CNIH3: variants seen among roughly 807,000 people sequenced by gnomAD.
The protein encoded by CNIH3 is cornichon family AMPA receptor auxiliary protein 3.
In CNIH3, 14 loss-of-function variants were observed where a neutral mutation model predicts 24.1. That is an observed-to-expected ratio of 0.58 (90% CI 0.38 to 0.91). CNIH3 has a LOEUF of 0.91. Ranked by LOEUF, CNIH3 falls within the 40% of genes least tolerant of loss-of-function variation. The probability of loss-of-function intolerance (pLI) is 0.00; values close to 1 mark genes in which losing one functional copy is unlikely to be tolerated. For missense variants in CNIH3, 178 were observed against 196.8 expected (o/e 0.90, Z 0.57); for synonymous variants, 68 against 73.8 (o/e 0.92, Z 0.40).
At chr1:224,505,244 A>G (rs1677859888) in intron 1 of CNIH3, among the ~76,000 whole-genome samples, 1 of 151,244 alleles carries the variant, frequency 6.6e-6, no homozygotes, top group Non-Finnish European at 1.5e-5. Context: ...GGCTTCAGTG[A>G]GCTGTGTTCA....
At chr1:224,625,879 A>G (rs1019291272) in intron 1 of CNIH3, among the ~76,000 whole-genome samples, 3 of 152,230 alleles carry the variant, frequency 2.0e-5, no homozygotes, top group African/African-American at 7.2e-5. Context: ...AGTCTCTCCA[A>G]CATCACGTAT....
At chr1:224,510,078 C>A (rs939454210) in intron 1 of CNIH3, among the ~76,000 whole-genome samples, 2 of 151,802 alleles carry the variant, frequency 1.3e-5, no homozygotes, top group Non-Finnish European at 2.9e-5. Context: ...GGCTCTACCG[C>A]TGGCCTGCAC....
At chr1:224,479,869 A>C (rs1676734597) in intron 1 of CNIH3, among the ~76,000 whole-genome samples, 1 of 152,176 alleles carries the variant, frequency 6.6e-6, no homozygotes, top group Non-Finnish European at 1.5e-5. Context: ...TTCCAGGCAC[A>C]TGCTGCAAGC....
At chr1:224,493,488 G>A (rs1356531661) in intron 1 of CNIH3, among the ~76,000 whole-genome samples, 1 of 152,170 alleles carries the variant, frequency 6.6e-6, no homozygotes, top group Non-Finnish European at 1.5e-5. Flanking sequence ...GCTCAAGGAA[G>A]GGGTGTGATT....
rs140046185 is a variant in CNIH3 at position 224,493,823 on chromosome 1, C to T, written n.204-21918C>T. Among the ~76,000 whole-genome samples the T allele has an allele frequency of 1.6e-3, 239 of 152,196 alleles. 2 individuals carry two copies. The highest frequency in any genetic ancestry group is 5.1e-3 in the African/African-American group (213 of 41,520). On this transcript the variant is annotated intron_variant and non_coding_transcript_variant, in intron 1 of 5. Transcript: ENST00000471578. ...AGAGTGCGATTCCTTTCTCCTCTCACGCACCTGGAGGAGACTCAATAATTT... is the reference window on the plus strand; with the variant it reads ...AGAGTGCGATTCCTTTCTCCTCTCATGCACCTGGAGGAGACTCAATAATTT...
At chr1:224,614,017 T>A (rs541285433), upstream of CNIH3, among the ~76,000 whole-genome samples, 13 of 152,204 alleles carry the variant, frequency 8.5e-5, no homozygotes, top group African/African-American at 2.9e-4. Context: ...AAGCTGGGAC[T>A]ACAGGTGCAT....
At chr1:224,500,605 G>C (rs1436638794) in intron 1 of CNIH3, among the ~76,000 whole-genome samples, 1 of 152,070 alleles carries the variant, frequency 6.6e-6, no homozygotes, top group African/African-American at 2.4e-5. Context: ...CTCAGGGGGC[G>C]GAGGTTGCAG....
At chr1:224,478,467 G>A (rs891126188) in intron 1 of CNIH3, among the ~76,000 whole-genome samples, 2 of 151,986 alleles carry the variant, frequency 1.3e-5, no homozygotes, top group African/African-American at 2.4e-5. Context: ...GTAGATCATT[G>A]CATTTTTTAA....
downstream of CNIH3, among the ~76,000 whole-genome samples, chr1:224,591,874 C>T (rs923942518): frequency 3.9e-5 from 6 of 152,192 alleles, no homozygotes; most frequent in Admixed American, 2.0e-4. Context: ...ATAATACCCA[C>T]GTTGCAGAGT....
rs376275417 is a variant in CNIH3 at position 224,637,264 on chromosome 1, C to G, written c.81+20009C>G. On this transcript the variant is annotated intron_variant, in intron 1 of 5. Transcript: ENST00000272133. ...CACCACGCCCAGCGAGAGATGCTTT[C>G]TTTACTTGTGAGCAGATATTTCCAT... 5.9e-5 allele frequency among the ~76,000 whole-genome samples: 9 copies of G among 152,224 alleles called. 1 individual carries two copies. The East Asian group carries it at 1.2e-3, about 20-fold the overall frequency.
At chr1:224,506,635 A>G (rs1677930655) in intron 1 of CNIH3, among the ~76,000 whole-genome samples, 1 of 152,154 alleles carries the variant, frequency 6.6e-6, no homozygotes, top group South Asian at 2.1e-4. Context: ...TTAGGGTAAC[A>G]ATGTGAGATC....
intron 3 of CNIH3, among the ~76,000 whole-genome samples, chr1:224,601,397 T>C (rs1241134323): frequency 6.6e-6 from 1 of 152,224 alleles, no homozygotes; most frequent in African/African-American, 2.4e-5. Flanking sequence ...GCCGCCATTT[T>C]GCCGCTTAGT....
chr1:224,519,627 C>A (rs778769383), intron 1 of CNIH3, among the ~76,000 whole-genome samples: 3 of 149,360 alleles, frequency 2.0e-5, no homozygotes, highest in Non-Finnish European at 3.0e-5. Flanking sequence ...ATAATATACA[C>A]ATCACATATA....
chr1:224,434,731 C>T (rs1357112203), exon 1 of CNIH3: 4 of 985,338 alleles, frequency 4.1e-6, no homozygotes, highest in East Asian at 2.3e-4. Context: ...CAGCTGCCGC[C>T]TCTGTCCTCG....
intron 3 of CNIH3, among the ~76,000 whole-genome samples, chr1:224,558,421 C>T (rs577074728): frequency 2.6e-5 from 4 of 152,152 alleles, no homozygotes; most frequent in East Asian, 3.9e-4. Flanking sequence ...AGGTGGGGAA[C>T]GATGGAATAC....
At chr1:224,665,952 T>C (rs1361025917) in intron 1 of CNIH3, among the ~76,000 whole-genome samples, 1 of 152,104 alleles carries the variant, frequency 6.6e-6, no homozygotes, top group South Asian at 2.1e-4. Flanking sequence ...GACTCTCAAC[T>C]GGCCTGGCCA....
chr1:224,527,521 G>A (rs1031726340), intron 2 of CNIH3, among the ~76,000 whole-genome samples: 6 of 152,136 alleles, frequency 3.9e-5, no homozygotes, highest in Non-Finnish European at 7.4e-5. Flanking sequence ...CTCATATCAG[G>A]CTGTTTGATG....
intron 1 of CNIH3, among the ~76,000 whole-genome samples, chr1:224,463,617 G>C (rs1367451762): frequency 2.0e-5 from 3 of 151,276 alleles, no homozygotes; most frequent in Non-Finnish European, 4.4e-5. Flanking sequence ...ATGTTGGTTA[G>C]GCTGGTCTCG....
At chr1:224,577,507 C>T (rs960006811) in intron 4 of CNIH3, among the ~76,000 whole-genome samples, 2 of 152,036 alleles carry the variant, frequency 1.3e-5, no homozygotes, top group African/African-American at 2.4e-5. Context: ...CACAATGTGA[C>T]ACCAACTTAC....
Sources: gnomAD v4.1 joint callset for allele counts (sites outside exome capture counted in the v4.1 genomes callset) on GRCh38, gnomAD v4.1.1 for gene constraint, MANE v1.5 for transcripts, NCBI Gene and HGNC (gene_info 2026-07-23, HGNC 2026-07-21) for gene names.